ACBD4: variants seen among roughly 807,000 people sequenced by gnomAD.
ACBD4 encodes acyl-CoA binding domain containing 4.
ACBD4 carries 41 observed loss-of-function variants against 46.0 expected under a neutral mutation model. That is an observed-to-expected ratio of 0.89 (90% CI 0.69 to 1.16). ACBD4 has a LOEUF of 1.16. ACBD4 is among the 50% of genes most tolerant of loss of function. ACBD4 has a pLI of 0.00. For missense variants in ACBD4, 393 were observed against 399.5 expected (o/e 0.98, Z 0.14); for synonymous variants, 162 against 155.9 (o/e 1.04, Z -0.29).
rs1399581194 is a variant in ACBD4, at chr17:45,143,521, C to T, written c.868C>T (p.Pro290Ser). ...GPALLFFLLW[P>S]FVVQWLFRMF... The stretch of plus-strand genomic sequence containing the variant: ...CGCGCTGCTCTTCTTCCTCCTGTGG[C>T]CCTTCGTCGTCCAGTGGCTCTTCCG... Residue 290 changes from proline (P) to serine (S), a missense_variant, in exon 10 of 10, where the codon CCC (proline) becomes TCC (serine). Physicochemically the swap from Pro to Ser is moderately conservative, Grantham distance 74 (BLOSUM62 -1). Around this residue, in one of 3 missense-constraint regions of ACBD4, gnomAD observed 308 missense variants for 301.8 expected, o/e 1.02. Coordinates refer to ENST00000321854, the MANE Select transcript of ACBD4 (RefSeq NM_001135705.3). 6.2e-7 allele frequency: 1 copy of T among 1,613,904 alleles called. No homozygotes were observed. The highest frequency in any genetic ancestry group is 8.5e-7 in the Non-Finnish European group (1 of 1,180,006).
At chr17:45,138,323 G>A (rs76150026) in intron 8 of ACBD4, 253 of 432,404 alleles carry the variant, frequency 5.9e-4, no homozygotes, top group African/African-American at 4.7e-3. Flanking sequence ...TCCCCCGTTT[G>A]GAAATCTCAG....
upstream of ACBD4, among the ~76,000 whole-genome samples, chr17:45,133,718 A>G (rs1392062968): frequency 6.7e-6 from 1 of 150,292 alleles, no homozygotes; most frequent in African/African-American, 2.5e-5. Flanking sequence ...TTTTTAGTAG[A>G]GACGGGGTTT....
intron 2 of ACBD4, 42 bp downstream of exon 2, chr17:45,136,274 G>T (rs371955318): frequency 2.9e-4 from 463 of 1,604,568 alleles, no homozygotes; most frequent in Non-Finnish European, 3.7e-4. Flanking sequence ...CATTCAGGAC[G>T]CCTGGGGTCT....
At chr17:45,137,335 C>G (rs1324285130) in intron 5 of ACBD4, 33 bp from the exon 6 acceptor site, 2 of 1,613,156 alleles carry the variant, frequency 1.2e-6, no homozygotes, top group East Asian at 2.2e-5. Flanking sequence ...CAGCCTCTCC[C>G]CAGGCCCACC....
upstream of ACBD4, among the ~76,000 whole-genome samples, chr17:45,133,676 C>A (rs1333615700): frequency 6.7e-6 from 1 of 149,710 alleles, no homozygotes; most frequent in Non-Finnish European, 1.5e-5. Flanking sequence ...GGACTACAGG[C>A]GCCCGCCACT....
At chr17:45,132,515 G>C (rs995707113), upstream of ACBD4, 1 of 486,760 alleles carries the variant, frequency 2.1e-6, no homozygotes, top group Non-Finnish European at 2.7e-6. This position sits in a 1 kb window ranked among gnomAD's most constrained non-coding sequence, Gnocchi z 4.6. Context: ...GGCGAGCGAA[G>C]AAACTTAGCG....
In ACBD4 at chr17:45,137,403, G is replaced by T; in HGVS notation, c.451G>T (p.Ala151Ser). 6.2e-7 allele frequency: 1 copy of T among 1,614,140 alleles called. No individual in the cohort carries two copies. The highest frequency in any genetic ancestry group is 8.5e-7 in the Non-Finnish European group (1 of 1,180,020). Residue 151 changes from alanine (A) to serine (S), a missense_variant, in exon 6 of 10, where the codon GCT (alanine) becomes TCT (serine). Ala to Ser is a moderately conservative substitution (Grantham distance 99). Coordinates refer to ENST00000321854, the MANE Select transcript of ACBD4 (RefSeq NM_001135705.3). Reference sequence around the variant, plus strand: ...GCAGGTTGTGAATGGAGATGTTGGGGCTGTTTCAGAGCCTCCCTGCCTCCC... The same window carrying T: ...GCAGGTTGTGAATGGAGATGTTGGGTCTGTTTCAGAGCCTCCCTGCCTCCC... ...KEQVVNGDVG[A>S]VSEPPCLPKE...
Position 45,135,801 on chromosome 17 carries a change from G to A in ACBD4, c.-190G>A, listed in dbSNP as rs1335626881. The stretch of plus-strand genomic sequence containing the variant: ...GCCAGGGTGGGAGACTGTTCGCCCC[G>A]CCCTGAGTACTCCTATCTTGTTTCT... On this transcript the variant is annotated 5_prime_UTR_variant, in exon 1 of 10. Transcript: ENST00000321854. 4 of 216,986 alleles carry A rather than the reference G, an allele frequency of 1.8e-5. No individual in the cohort carries two copies. Among genetic ancestry groups the A allele is most frequent in the African/African-American group, 4.6e-5 (2 of 43,288 alleles). The allele number at this position is 216,986 out of a possible 1,614,324, so 13.4% of individuals were successfully genotyped here. A position where few individuals can be genotyped will look rare whatever the true frequency, so the allele number is the denominator to read the frequency against.
intron 9 of ACBD4, among the ~76,000 whole-genome samples, chr17:45,141,473 A>C (rs2055269943): frequency 6.6e-6 from 1 of 152,148 alleles, no homozygotes; most frequent in Admixed American, 6.5e-5. Context: ...AGATCGCTTG[A>C]GCCCAGGAGC....
chr17:45,132,556 A>T, upstream of ACBD4: 2 of 21,734 alleles, frequency 9.2e-5, no homozygotes, highest in Non-Finnish European at 1.8e-4. This position sits in a 1 kb window ranked among gnomAD's most constrained non-coding sequence, Gnocchi z 4.6. Flanking sequence ...AGGCAGCAGG[A>T]GGTGGGGCGG....
chr17:45,141,706 A>G (rs527807289), intron 9 of ACBD4, among the ~76,000 whole-genome samples: 91 of 152,282 alleles, frequency 6.0e-4, no homozygotes, highest in African/African-American at 2.0e-3. Context: ...ACCAGACTAC[A>G]TCAGAGGTGA....
At position 45,136,566 on chromosome 17, in the gene ACBD4, G is replaced by A; in HGVS notation, c.155G>A (p.Gly52Glu). 1.2e-6 allele frequency: 2 copies of A among 1,613,926 alleles called. No homozygotes were observed. The highest frequency in any genetic ancestry group is 1.7e-6 in the Non-Finnish European group (2 of 1,179,964). The change falls in exon 3 of 10, where the codon GGG (glycine) becomes GAG (glutamate). Residue 52 changes from glycine (G) to glutamate (E), a missense_variant. Coordinates refer to ENST00000321854, the MANE Select transcript of ACBD4 (RefSeq NM_001135705.3). ...FYSYYKQATM[G>E]PCLVPRPGFW... ...AGTTACTACAAGCAGGCCACCATGG[G>A]GCCCTGCCTGGTCCCCCGGCCCGGG...
chr17:45,137,516 G>A, intron 6 of ACBD4, 62 bp downstream of exon 6: 1 of 1,569,048 alleles, frequency 6.4e-7, no homozygotes, highest in South Asian at 1.1e-5. Flanking sequence ...GAGGGGAGAA[G>A]GCTGGATGCC....
At chr17:45,134,927 C>G, upstream of ACBD4, among the ~76,000 whole-genome samples, 1 of 151,980 alleles carries the variant, frequency 6.6e-6, no homozygotes, top group South Asian at 2.1e-4. Flanking sequence ...AGTACCCTTC[C>G]CAGCCTCTGG....
In ACBD4 at chr17:45,143,732, C is replaced by A; in HGVS notation, c.*161C>A. 1 of 1,202,016 alleles carries A rather than the reference C, an allele frequency of 8.3e-7. No homozygotes were observed. The highest frequency in any genetic ancestry group is 1.2e-6 in the Non-Finnish European group (1 of 856,172). 74.5% of individuals were successfully genotyped at this position (1,202,016 alleles called of 1,614,324 possible). A position where few individuals can be genotyped will look rare whatever the true frequency, so the allele number is the denominator to read the frequency against. ...CGCGGGGGGCAAATAAGACCCCACC[C>A]CTCCCTGCAGCTTCACAGGGACGCT... is the stretch of plus-strand genomic sequence containing the variant. On this transcript the variant is annotated 3_prime_UTR_variant, in exon 10 of 10. Transcript: ENST00000321854.
upstream of ACBD4, among the ~76,000 whole-genome samples, chr17:45,134,657 A>G (rs975948955): frequency 4.2e-4 from 64 of 152,048 alleles, 1 homozygote; most frequent in Non-Finnish European, 7.5e-4. Context: ...AGCGCCTGTA[A>G]TCCCAGTTGC....
At chr17:45,138,952 C>A in intron 8 of ACBD4, 69 bp from the exon 9 acceptor site, 2 of 1,557,022 alleles carry the variant, frequency 1.3e-6, no homozygotes, top group Non-Finnish European at 1.7e-6. Flanking sequence ...CTTGCCCCAG[C>A]CTGCCCCCAC....
chr17:45,137,655 C>T (rs2054948314), intron 6 of ACBD4, 105 bp from the exon 7 acceptor site: 1 of 1,409,164 alleles, frequency 7.1e-7, no homozygotes, highest in Non-Finnish European at 1.0e-6. Flanking sequence ...TCTCTAGTGC[C>T]TCGTATCTCT....
At chr17:45,133,057 A>G (rs987052060), upstream of ACBD4, 2 of 152,482 alleles carry the variant, frequency 1.3e-5, no homozygotes, top group African/African-American at 4.8e-5. Flanking sequence ...TCGGAGAGCC[A>G]CAGTCTCGGA....
Sources: allele counts gnomAD v4.1 joint callset (sites outside exome capture counted in the v4.1 genomes callset), GRCh38; gene constraint gnomAD v4.1.1; regional missense constraint gnomAD v4.1.1; non-coding constraint Gnocchi (gnomAD v3.1); transcripts MANE v1.5; gene names NCBI Gene and HGNC (gene_info 2026-07-23, HGNC 2026-07-21).